The following TMC1 variants were observed in gnomAD, a reference collection of about 807,000 sequenced individuals.
TMC1 encodes transmembrane channel like 1, also known as transmembrane channel-like protein 1.
In TMC1, 84 loss-of-function variants were observed where a neutral mutation model predicts 105.8. The observed-to-expected ratio is 0.79, with a 90% CI of 0.67 to 0.95. The LOEUF is 0.95. Ranked by LOEUF, TMC1 falls within the 40% of genes least tolerant of loss-of-function variation. TMC1 has a pLI of 0.00. For missense variants in TMC1, 817 were observed against 914.1 expected (o/e 0.89, Z 1.37); for synonymous variants, 315 against 311.5 (o/e 1.01, Z -0.12).
chr9:72,624,784 C>A (rs1825317521), intron 3 of TMC1, among the ~76,000 whole-genome samples: 1 of 152,188 alleles, frequency 6.6e-6, no homozygotes, highest in African/African-American at 2.4e-5. Flanking sequence ...AACTCACCTG[C>A]AATGTGTTCT....
chr9:72,796,920 A>T (rs1828380881), intron 17 of TMC1, among the ~76,000 whole-genome samples: 1 of 152,168 alleles, frequency 6.6e-6, no homozygotes, highest in South Asian at 2.1e-4. Flanking sequence ...ATAGGAAAAG[A>T]GGGAGTCAAA....
intron 13 of TMC1, among the ~76,000 whole-genome samples, chr9:72,773,215 T>A (rs991513155): frequency 2.6e-5 from 4 of 152,150 alleles, no homozygotes; most frequent in Admixed American, 2.6e-4. Context: ...TTATTTGGGT[T>A]TATATATTAA....
chr9:72,536,369 G>A (rs969140355), intron 1 of TMC1, among the ~76,000 whole-genome samples: 2 of 152,124 alleles, frequency 1.3e-5, no homozygotes, highest in Admixed American at 6.5e-5. Flanking sequence ...GTCTCGCTCC[G>A]TCACCCAGGC....
At chr9:72,613,226 G>A (rs1167659049) in intron 2 of TMC1, among the ~76,000 whole-genome samples, 2 of 151,454 alleles carry the variant, frequency 1.3e-5, no homozygotes, top group Non-Finnish European at 2.9e-5. Context: ...CCGCCTCCCG[G>A]GTTCAAGCGA....
chr9:72,633,385 T>C (rs921055298), intron 4 of TMC1, among the ~76,000 whole-genome samples: 2 of 152,216 alleles, frequency 1.3e-5, no homozygotes, highest in African/African-American at 4.8e-5. Context: ...AATGTAGCCC[T>C]CACCCTGAGC....
intron 1 of TMC1, among the ~76,000 whole-genome samples, chr9:72,526,205 C>T (rs1823406130): frequency 6.6e-6 from 1 of 151,960 alleles, no homozygotes; most frequent in South Asian, 2.1e-4. Context: ...TTGCAGTTAG[C>T]CTTGTCTGGG....
chr9:72,765,280 G>A (rs889574807), intron 12 of TMC1, among the ~76,000 whole-genome samples: 7 of 152,088 alleles, frequency 4.6e-5, no homozygotes, highest in African/African-American at 1.7e-4. Context: ...CTTTCCTGGT[G>A]TGCAGTGAGT....
intron 5 of TMC1, among the ~76,000 whole-genome samples, chr9:72,685,552 C>G (rs7865988): frequency 6.6e-6 from 1 of 151,724 alleles, no homozygotes; most frequent in Non-Finnish European, 1.5e-5. Flanking sequence ...GTAGTAGAGG[C>G]GGGGTTTCAC....
At chr9:72,711,664 A>G (rs986341172) in intron 8 of TMC1, among the ~76,000 whole-genome samples, 1 of 152,178 alleles carries the variant, frequency 6.6e-6, no homozygotes, top group Non-Finnish European at 1.5e-5. Flanking sequence ...GATTCTGGAT[A>G]TTAGCCCTTT....
intron 17 of TMC1, 51 bp downstream of exon 17, chr9:72,792,403 G>A (rs187654247): frequency 2.3e-4 from 361 of 1,596,244 alleles, no homozygotes; most frequent in Non-Finnish European, 2.9e-4. Context: ...AAAAAAGAGA[G>A]TCAATATCTC....
chr9:72,555,575 A>T (rs541559633), intron 1 of TMC1, among the ~76,000 whole-genome samples: 1 of 152,200 alleles, frequency 6.6e-6, no homozygotes, highest in East Asian at 1.9e-4. Flanking sequence ...CATGCGAATA[A>T]GTGGAATATG....
intron 8 of TMC1, among the ~76,000 whole-genome samples, chr9:72,719,658 C>G (rs1588048672): frequency 6.6e-6 from 1 of 152,230 alleles, no homozygotes; most frequent in African/African-American, 2.4e-5. Flanking sequence ...CAATGCAAGT[C>G]TCCACATTCT....
intron 17 of TMC1, among the ~76,000 whole-genome samples, chr9:72,794,220 C>T (rs907826950): frequency 6.6e-6 from 1 of 152,122 alleles, no homozygotes; most frequent in Non-Finnish European, 1.5e-5. Flanking sequence ...AGCAAAAGAC[C>T]CTTGGCCATA....
intron 3 of TMC1, among the ~76,000 whole-genome samples, chr9:72,622,498 T>C (rs953164254): frequency 3.3e-5 from 5 of 152,208 alleles, no homozygotes; most frequent in Admixed American, 3.3e-4. Flanking sequence ...TAATAGCTCC[T>C]TTTAAAATTC....
At chr9:72,726,848 G>A (rs1827134029) in intron 8 of TMC1, among the ~76,000 whole-genome samples, 2 of 152,150 alleles carry the variant, frequency 1.3e-5, no homozygotes, top group African/African-American at 4.8e-5. Context: ...AAGAATATAA[G>A]CACACAGGTA....
In TMC1 at chr9:72,761,864, T is replaced by C. The variant is rs906114358; in HGVS notation, c.741+6980T>C. Among the ~76,000 whole-genome samples the C allele has an allele frequency of 5.9e-5, 9 of 152,348 alleles. No homozygotes were observed. In the East Asian group the frequency reaches 1.5e-3, roughly 26 times the overall value. Reference sequence around the variant, plus strand: ...ACTGGACACAGGTAGAGGAGATATTTTGTGATTCACACGTGGAATAACACA... The same window carrying C: ...ACTGGACACAGGTAGAGGAGATATTCTGTGATTCACACGTGGAATAACACA... On this transcript the variant is annotated intron_variant, in intron 12 of 23. Transcript: ENST00000297784.
intron 8 of TMC1, among the ~76,000 whole-genome samples, chr9:72,707,774 C>G (rs533649113): frequency 6.6e-6 from 1 of 152,078 alleles, no homozygotes; most frequent in South Asian, 2.1e-4. Context: ...TTAAGTCCCA[C>G]TTATTTATCT....
chr9:72,763,583 A>G (rs56189033), intron 12 of TMC1, among the ~76,000 whole-genome samples: 13,837 of 152,236 alleles, frequency 0.091, 795 homozygotes, highest in Non-Finnish European at 0.14. Context: ...ACAACCTCTG[A>G]ATTTGAAAGA....
chr9:72,525,817 G>A (rs544975844), intron 1 of TMC1, among the ~76,000 whole-genome samples: 39 of 152,200 alleles, frequency 2.6e-4, no homozygotes, highest in South Asian at 1.5e-3. Context: ...GCAAAACCCC[G>A]TCTCTACTAA....
Sources: allele counts gnomAD v4.1 joint callset (sites outside exome capture counted in the v4.1 genomes callset), GRCh38; gene constraint gnomAD v4.1.1; transcripts MANE v1.5; gene names NCBI Gene and HGNC (gene_info 2026-07-23, HGNC 2026-07-21).